SCN8A: variants seen among roughly 807,000 people sequenced by gnomAD.
SCN8A encodes sodium voltage-gated channel alpha subunit 8.
SCN8A carries 30 observed loss-of-function variants against 184.1 expected under a neutral mutation model. The observed-to-expected ratio is 0.16, with a 90% CI of 0.12 to 0.22. The LOEUF (loss-of-function observed/expected upper bound fraction) is 0.22, where lower values mean the gene tolerates loss of function less well. SCN8A is among the 10% of genes least tolerant of loss of function. SCN8A has a pLI of 1.00. For synonymous variants in SCN8A, 852 were observed against 907.0 expected, an observed-to-expected ratio of 0.94 and a Z score of 1.09; for missense variants, 1,057 against 2,498.9, an observed-to-expected ratio of 0.42 and a Z score of 12.30.
chr12:51,659,433 C>T (rs1236484031), intron 1 of SCN8A, among the ~76,000 whole-genome samples: 1 of 152,136 alleles, frequency 6.6e-6, no homozygotes, highest in Non-Finnish European at 1.5e-5. Context: ...TTAAGGTTTG[C>T]ATACTTTATT....
chr12:51,771,657 T>C (rs1486018684), intron 19 of SCN8A, among the ~76,000 whole-genome samples: 1 of 152,128 alleles, frequency 6.6e-6, no homozygotes, highest in Non-Finnish European at 1.5e-5. Context: ...AGGATTAAAG[T>C]AGGAGGCAAA....
In SCN8A at chr12:51,648,167, CA is replaced by C. The variant is rs199720643; in HGVS notation, c.-54-14596del. Among the ~76,000 whole-genome samples the C allele has an allele frequency of 8.2e-3, 1,249 of 152,252 alleles. 8 individuals carry two copies. The highest frequency in any genetic ancestry group is 0.013 in the Non-Finnish European group (889 of 68,008). The stretch of plus-strand genomic sequence containing the variant: ...TTTTCATAACCTTTAGATGCTTTTA[CA>C]TTCATCTCAAAAACAAAATTCTGAA... On this transcript the variant is annotated intron_variant, in intron 1 of 26. Transcript: ENST00000627620.
chr12:51,640,212 G>GTTTT (rs57362371), intron 1 of SCN8A, among the ~76,000 whole-genome samples: 5 of 34,776 alleles, frequency 1.4e-4, no homozygotes, highest in African/African-American at 3.6e-4. Context: ...TGCCTGGCCT[G>GTTTT]TTTTTTTTTT....
intron 8 of SCN8A, 73 bp from the exon 9 acceptor site, chr12:51,702,700 T>A: frequency 8.4e-7 from 1 of 1,197,004 alleles, no homozygotes; most frequent in Non-Finnish European, 1.1e-6. Context: ...AGAATTATGT[T>A]ATTTATTATC....
chr12:51,604,439 T>C (rs868331974), intron 1 of SCN8A, among the ~76,000 whole-genome samples: 2 of 152,176 alleles, frequency 1.3e-5, no homozygotes, highest in South Asian at 2.1e-4. Context: ...TGTCTGCGCC[T>C]TCCTCAATAC....
chr12:51,703,990 CCAAA>C (rs1187605105), intron 9 of SCN8A, among the ~76,000 whole-genome samples: 1 of 151,974 alleles, frequency 6.6e-6, no homozygotes, highest in African/African-American at 2.4e-5. Context: ...ACTGCAGCCT[CCAAA>C]CAATTCTCCT....
intron 14 of SCN8A, among the ~76,000 whole-genome samples, chr12:51,758,936 A>G (rs1942721135): frequency 6.6e-6 from 1 of 151,780 alleles, no homozygotes; most frequent in Admixed American, 6.6e-5. Flanking sequence ...GTACCAAGCC[A>G]TACACACACA....
intron 13 of SCN8A, among the ~76,000 whole-genome samples, chr12:51,746,475 T>G (rs1346172773): frequency 6.6e-6 from 1 of 152,212 alleles, no homozygotes; most frequent in East Asian, 1.9e-4. Flanking sequence ...CCTTTTGGTT[T>G]TCCCTTAAGG....
At chr12:51,745,473 CTT>C (rs1942494894) in intron 12 of SCN8A, among the ~76,000 whole-genome samples, 1 of 152,196 alleles carries the variant, frequency 6.6e-6, no homozygotes, top group Admixed American at 6.5e-5. Context: ...AGGGACTTGA[CTT>C]TAATGAAATT....
At chr12:51,635,455 C>A (rs1940294298) in intron 1 of SCN8A, among the ~76,000 whole-genome samples, 1 of 125,208 alleles carries the variant, frequency 8.0e-6, no homozygotes, top group South Asian at 2.6e-4. Flanking sequence ...ATAGAAGGCA[C>A]TGGTAAATAA....
intron 26 of SCN8A, among the ~76,000 whole-genome samples, chr12:51,805,544 A>T (rs1938675373): frequency 6.6e-6 from 1 of 152,198 alleles, no homozygotes; most frequent in African/African-American, 2.4e-5. Flanking sequence ...AGAATGATAC[A>T]TACCATCTTC....
chr12:51,744,645 A>T (rs1172920117), intron 12 of SCN8A, among the ~76,000 whole-genome samples: 7 of 142,682 alleles, frequency 4.9e-5, no homozygotes, highest in Non-Finnish European at 1.0e-4. Context: ...TGAGGTCTCT[A>T]TGTTGCCCAG....
chr12:51,626,826 A>G (rs1042795844), intron 1 of SCN8A, among the ~76,000 whole-genome samples: 2 of 149,962 alleles, frequency 1.3e-5, no homozygotes, highest in Non-Finnish European at 3.0e-5. Context: ...ATATTTAATT[A>G]TATATTCTAT....
At chr12:51,595,450 G>C (rs1036820686) in intron 1 of SCN8A, among the ~76,000 whole-genome samples, 5 of 152,178 alleles carry the variant, frequency 3.3e-5, no homozygotes, top group Admixed American at 1.3e-4. Flanking sequence ...AAGGTGAAAT[G>C]AAAACCCAAG....
intron 1 of SCN8A, among the ~76,000 whole-genome samples, chr12:51,622,626 T>C (rs1437641146): frequency 6.6e-6 from 1 of 152,246 alleles, no homozygotes; most frequent in Non-Finnish European, 1.5e-5. Flanking sequence ...ATTGGAAGAA[T>C]ATACTAACAT....
intron 12 of SCN8A, among the ~76,000 whole-genome samples, chr12:51,729,522 T>C (rs1942208186): frequency 6.6e-6 from 1 of 152,228 alleles, no homozygotes; most frequent in Non-Finnish European, 1.5e-5. Flanking sequence ...TGCTGAGTGG[T>C]ATTTCATTGT....
chr12:51,772,252 G>A (rs1035151019), intron 19 of SCN8A, among the ~76,000 whole-genome samples: 6 of 152,034 alleles, frequency 3.9e-5, no homozygotes, highest in African/African-American at 1.4e-4. Flanking sequence ...AAAATTAGCC[G>A]GGCATGGTGG....
chr12:51,795,749 C>T (rs967371801), intron 26 of SCN8A, among the ~76,000 whole-genome samples: 3 of 152,048 alleles, frequency 2.0e-5, no homozygotes, highest in Non-Finnish European at 2.9e-5. Context: ...GGAAATCCTA[C>T]GGTAAAGAAT....
Position 51,647,723 on chromosome 12 carries a change from GTAAC to G in SCN8A, c.-54-15040_-54-15037del, listed in dbSNP as rs759296532. On this transcript the variant is annotated intron_variant, in intron 1 of 26. Coordinates refer to ENST00000627620, the MANE Select transcript of SCN8A (RefSeq NM_001330260.2). ...AGATTTTCCAAAGTGAAATCTGTAA[GTAAC>G]AAAGTAGAAAATTGGCAGCGTAGCA... Among the ~76,000 whole-genome samples the G allele has an allele frequency of 9.8e-5, 15 of 152,322 alleles. No individual in the cohort carries two copies. The South Asian group carries it at 1.7e-3, about 17-fold the overall frequency.
Sources: allele counts gnomAD v4.1 joint callset (sites outside exome capture counted in the v4.1 genomes callset), GRCh38; gene constraint gnomAD v4.1.1; transcripts MANE v1.5; gene names NCBI Gene and HGNC (gene_info 2026-07-23, HGNC 2026-07-21).